LPP: variants seen among roughly 807,000 people sequenced by gnomAD.
LPP encodes LIM domain containing preferred translocation partner in lipoma.
In LPP, 38 loss-of-function variants were observed where a neutral mutation model predicts 60.4. That is an observed-to-expected ratio of 0.63 (90% confidence interval 0.49 to 0.83). The LOEUF (loss-of-function observed/expected upper bound fraction) is 0.83. Ranked by LOEUF, LPP falls within the 40% of genes least tolerant of loss-of-function variation. The probability of loss-of-function intolerance (pLI) is 0.00; values close to 1 mark genes in which losing one functional copy is unlikely to be tolerated. For missense variants in LPP, 902 were observed against 783.6 expected, an observed-to-expected ratio of 1.15 and a Z score of -1.80; for synonymous variants, 328 against 290.8, an observed-to-expected ratio of 1.13 and a Z score of -1.30.
intron 9 of LPP, among the ~76,000 whole-genome samples, chr3:188,843,137 A>G (rs1351399614): frequency 1.3e-5 from 2 of 152,198 alleles, no homozygotes; most frequent in Non-Finnish European, 2.9e-5. Context: ...ATCTTATATA[A>G]GGGAAAAACA....
chr3:188,305,138 T>A (rs1332741276), intron 2 of LPP, among the ~76,000 whole-genome samples: 2 of 152,158 alleles, frequency 1.3e-5, no homozygotes, highest in Non-Finnish European at 2.9e-5. Context: ...GATAAGTTCT[T>A]TGAAGTCAAT....
chr3:188,161,391 G>A (rs1055895678), intron 1 of LPP, among the ~76,000 whole-genome samples: 6 of 152,166 alleles, frequency 3.9e-5, no homozygotes, highest in African/African-American at 1.4e-4. Context: ...AATAATATCA[G>A]GTAGCTTAAT....
At chr3:188,636,380 A>G (rs1171058984) in intron 7 of LPP, among the ~76,000 whole-genome samples, 11 of 152,182 alleles carry the variant, frequency 7.2e-5, no homozygotes. Context: ...ACGAGATTAT[A>G]TCCCGCACCT....
At chr3:188,218,676 T>C (rs1714606030) in intron 1 of LPP, among the ~76,000 whole-genome samples, 1 of 152,222 alleles carries the variant, frequency 6.6e-6, no homozygotes, top group African/African-American at 2.4e-5. Context: ...GTTCTTACTG[T>C]ATGCCAGGCA....
chr3:188,377,277 T>C (rs888956992), intron 3 of LPP, among the ~76,000 whole-genome samples: 56 of 152,342 alleles, frequency 3.7e-4, no homozygotes, highest in Non-Finnish European at 6.6e-4. Flanking sequence ...GGGAAGTTCT[T>C]CTGGATAATA....
rs976375579 is a variant in LPP, at chr3:188,883,937, C to T, written c.*9458C>T. On this transcript the variant is annotated 3_prime_UTR_variant, in exon 12 of 12. Coordinates refer to ENST00000617246, the MANE Select transcript of LPP (RefSeq NM_001375462.1). ...TATGGAAATGTACAAATGCTTTCCT[C>T]ATTGCTCTGGATGACTATTTAGTTT... is the stretch of plus-strand genomic sequence containing the variant. 3 of 215,626 alleles carry T rather than the reference C, an allele frequency of 1.4e-5. No individual in the cohort carries two copies. The highest frequency in any genetic ancestry group is 5.8e-5 in the Admixed American group (1 of 17,108). 13.4% of individuals were successfully genotyped at this position (215,626 alleles called of 1,614,324 possible). A position where few individuals can be genotyped will look rare whatever the true frequency, so the allele number is the denominator to read the frequency against.
intron 1 of LPP, among the ~76,000 whole-genome samples, chr3:188,173,116 G>A (rs1462182046): frequency 1.3e-5 from 2 of 152,270 alleles, no homozygotes; most frequent in East Asian, 3.9e-4. Context: ...CCATCCTCCT[G>A]CCTCAGCCTT....
intron 9 of LPP, among the ~76,000 whole-genome samples, chr3:188,832,748 C>G (rs1757433914): frequency 6.6e-6 from 1 of 152,174 alleles, no homozygotes; most frequent in Non-Finnish European, 1.5e-5. Context: ...ACAGGGCAAC[C>G]ATGTGTGTAT....
intron 10 of LPP, 93 bp from the exon 11 acceptor site, chr3:188,872,550 C>A: frequency 1.4e-6 from 2 of 1,416,188 alleles, no homozygotes; most frequent in East Asian, 2.3e-5. Flanking sequence ...AGCAGGTATA[C>A]CGACTCTCAG....
chr3:188,213,793 A>G (rs753438277), intron 1 of LPP, among the ~76,000 whole-genome samples: 4 of 152,082 alleles, frequency 2.6e-5, no homozygotes, highest in Non-Finnish European at 4.4e-5. Flanking sequence ...GGCAGAATGA[A>G]TAGTGTGGAA....
At chr3:188,260,695 C>T (rs1459540816) in intron 2 of LPP, among the ~76,000 whole-genome samples, 1 of 152,066 alleles carries the variant, frequency 6.6e-6, no homozygotes, top group Non-Finnish European at 1.5e-5. Context: ...TGTTTGAGAA[C>T]AGCTCCATCC....
At chr3:188,203,511 A>ATATTTAAATATATATATATATT (rs1553811201) in intron 1 of LPP, among the ~76,000 whole-genome samples, 1 of 54,268 alleles carries the variant, frequency 1.8e-5, no homozygotes, top group African/African-American at 6.0e-5. Context: ...AAATATATAT[A>ATATTTAAATATATATATATATT]TTTAAATATA....
chr3:188,708,738 G>A (rs1865987715), intron 8 of LPP: 1 of 367,558 alleles, frequency 2.7e-6, no homozygotes, highest in Non-Finnish European at 5.0e-6. Context: ...TGTGCCTGCA[G>A]TCCCAGCTAC....
rs148836000 is a variant in LPP, at chr3:188,547,204, C to T, written c.429+22417C>T. 6.0e-4 allele frequency among the ~76,000 whole-genome samples: 91 copies of T among 152,254 alleles called. 1 individual carries two copies. Among genetic ancestry groups the T allele is most frequent in the African/African-American group, 2.1e-3 (89 of 41,548 alleles). ...AGTGATAAGCCTGGAAAGGAAGGCA[C>T]GTAGATATGTTTCTGCAAATGCATT... is the stretch of plus-strand genomic sequence containing the variant. On this transcript the variant is annotated intron_variant, in intron 6 of 11. Coordinates refer to ENST00000617246, the MANE Select transcript of LPP (RefSeq NM_001375462.1).
chr3:188,521,240 T>G (rs1296720960), intron 5 of LPP, among the ~76,000 whole-genome samples: 1 of 152,188 alleles, frequency 6.6e-6, no homozygotes, highest in Admixed American at 6.5e-5. Context: ...AGCATTAGAC[T>G]GGAACTTGTG....
At chr3:188,175,462 A>G (rs996009923) in intron 1 of LPP, among the ~76,000 whole-genome samples, 1 of 152,170 alleles carries the variant, frequency 6.6e-6, no homozygotes, top group Non-Finnish European at 1.5e-5. Flanking sequence ...CATTCATTTC[A>G]CAATAAAGTT....
chr3:188,726,185 A>G (rs1001980509), intron 8 of LPP, among the ~76,000 whole-genome samples: 2 of 152,098 alleles, frequency 1.3e-5, no homozygotes, highest in African/African-American at 4.8e-5. Context: ...TTGGGGGATG[A>G]AGATCAGTCT....
chr3:188,275,442 C>T (rs1467306261), intron 2 of LPP, among the ~76,000 whole-genome samples: 1 of 152,172 alleles, frequency 6.6e-6, no homozygotes, highest in East Asian at 1.9e-4. Context: ...TCATCTCAGC[C>T]TGGAACTCCT....
chr3:188,393,718 A>C (rs1780244235), intron 3 of LPP, among the ~76,000 whole-genome samples: 1 of 152,194 alleles, frequency 6.6e-6, no homozygotes, highest in Non-Finnish European at 1.5e-5. Context: ...TAGTATTTTC[A>C]TGGGTTTAAG....
Sources: gnomAD v4.1 joint callset for allele counts (sites outside exome capture counted in the v4.1 genomes callset) on GRCh38, gnomAD v4.1.1 for gene constraint, MANE v1.5 for transcripts, NCBI Gene and HGNC (gene_info 2026-07-23, HGNC 2026-07-21) for gene names.